Variants in ABLIM1 observed in about 807,000 individuals in gnomAD.
The protein encoded by ABLIM1 is actin binding LIM protein 1, also known as actin-binding LIM protein 1.
ABLIM1 carries 40 observed loss-of-function variants against 107.0 expected under a neutral mutation model. That is an observed-to-expected ratio of 0.37 (90% CI 0.29 to 0.49). The LOEUF (loss-of-function observed/expected upper bound fraction) is 0.49, where lower values mean the gene tolerates loss of function less well. Ranked by LOEUF, ABLIM1 falls within the 20% of genes least tolerant of loss-of-function variation. ABLIM1 has a pLI of 0.97. For missense variants in ABLIM1, 857 were observed against 1,008.5 expected (o/e 0.85, Z 2.04); for synonymous variants, 357 against 357.3 (o/e 1.00, Z 0.01).
chr10:114,468,273 G>GT, intron 10 of ABLIM1, 57 bp from the exon 11 acceptor site: 1 of 1,438,878 alleles, frequency 6.9e-7, no homozygotes, highest in African/African-American at 1.4e-5. Context: ...TTGCCGTTTT[G>GT]TTTGTTTGTT....
intron 2 of ABLIM1, among the ~76,000 whole-genome samples, chr10:114,595,730 C>A (rs1305242683): frequency 6.6e-6 from 1 of 152,128 alleles, no homozygotes; most frequent in South Asian, 2.1e-4. Flanking sequence ...ATCTAATTAC[C>A]ACCCGGGTAC....
chr10:114,484,967 G>A (rs1402584849), intron 8 of ABLIM1, among the ~76,000 whole-genome samples: 1 of 152,230 alleles, frequency 6.6e-6, no homozygotes, highest in Non-Finnish European at 1.5e-5. Flanking sequence ...TTGCCTATGA[G>A]GCTGGATCTG....
chr10:114,679,505 T>G (rs11196866), intron 1 of ABLIM1, among the ~76,000 whole-genome samples: 7,769 of 151,730 alleles, frequency 0.051, 252 homozygotes, highest in Middle Eastern at 0.088. Flanking sequence ...CGTGGTGGCG[T>G]GTGCCTGTGG....
At chr10:114,622,006 T>A (rs1006573248) in intron 1 of ABLIM1, among the ~76,000 whole-genome samples, 58 of 152,292 alleles carry the variant, frequency 3.8e-4, no homozygotes, top group African/African-American at 1.3e-3. Context: ...CCAATCCCCA[T>A]CAGTCCTAAA....
intron 16 of ABLIM1, among the ~76,000 whole-genome samples, chr10:114,444,794 C>T (rs186085901): frequency 6.6e-6 from 1 of 152,274 alleles, no homozygotes; most frequent in East Asian, 1.9e-4. Context: ...TGGGCTGCTG[C>T]AGGCCCTTGC....
At chr10:114,666,204 T>C (rs1279868366) in intron 1 of ABLIM1, among the ~76,000 whole-genome samples, 1 of 152,210 alleles carries the variant, frequency 6.6e-6, no homozygotes, top group Non-Finnish European at 1.5e-5. Flanking sequence ...ATGCAATACC[T>C]ACAACATAAT....
intron 3 of ABLIM1, 124 bp from the exon 4 acceptor site, chr10:114,571,530 G>A: frequency 1.1e-6 from 1 of 921,064 alleles, no homozygotes; most frequent in Non-Finnish European, 1.7e-6. Flanking sequence ...CAACATGTCT[G>A]AAATGCAGTC....
intron 3 of ABLIM1, among the ~76,000 whole-genome samples, chr10:114,571,856 T>C (rs555655413): frequency 2.1e-4 from 32 of 152,326 alleles, no homozygotes; most frequent in African/African-American, 7.7e-4. Context: ...GGACCGTGCC[T>C]AGACCTCTGT....
chr10:114,599,554 T>C (rs1160012470), intron 2 of ABLIM1, among the ~76,000 whole-genome samples: 1 of 152,020 alleles, frequency 6.6e-6, no homozygotes, highest in Non-Finnish European at 1.5e-5. Context: ...GGAGAATCCC[T>C]TGAGATTAGG....
chr10:114,673,897 TGAGAA>T (rs770152735), intron 1 of ABLIM1, among the ~76,000 whole-genome samples: 18 of 151,990 alleles, frequency 1.2e-4, no homozygotes, highest in Non-Finnish European at 2.4e-4. Context: ...AAAAGACTAT[TGAGAA>T]GAGAGACATT....
chr10:114,491,688 C>G, intron 7 of ABLIM1, 103 bp downstream of exon 7: 3 of 1,133,572 alleles, frequency 2.6e-6, no homozygotes, highest in Admixed American at 1.9e-5. Context: ...GGTAGCCTCA[C>G]AGCTAATAAC....
chr10:114,791,932 T>C, the ABLIM1 span, among the ~76,000 whole-genome samples: 9 of 152,384 alleles, frequency 5.9e-5, no homozygotes, highest in East Asian at 1.7e-3. Context: ...TGCCTGGCAC[T>C]GTCTCAATAA....
intron 12 of ABLIM1, among the ~76,000 whole-genome samples, chr10:114,455,497 G>A (rs1004710273): frequency 6.6e-6 from 1 of 152,194 alleles, no homozygotes; most frequent in African/African-American, 2.4e-5. Context: ...AAAAAACACA[G>A]AGGAAAACAG....
chr10:114,441,191 A>G, intron 18 of ABLIM1, 114 bp from the exon 19 acceptor site: 1 of 1,150,924 alleles, frequency 8.7e-7, no homozygotes, highest in Non-Finnish European at 1.2e-6. Flanking sequence ...GCTAAATGTC[A>G]GACCTTCATT....
chr10:114,787,594 C>T, the ABLIM1 span, among the ~76,000 whole-genome samples: 15 of 145,338 alleles, frequency 1.0e-4, no homozygotes, highest in African/African-American at 3.2e-4. Context: ...GGTCAGCCCC[C>T]CGCCCGGCCA....
At chr10:114,723,161 C>G (rs1298261941) in intron 1 of ABLIM1, among the ~76,000 whole-genome samples, 1 of 152,164 alleles carries the variant, frequency 6.6e-6, no homozygotes, top group Non-Finnish European at 1.5e-5. Flanking sequence ...TTCTAAGTGC[C>G]TGACCAGATT....
chr10:114,566,532 T>A (rs369156390), intron 4 of ABLIM1, among the ~76,000 whole-genome samples: 2 of 152,238 alleles, frequency 1.3e-5, no homozygotes, highest in Non-Finnish European at 2.9e-5. Context: ...TTGTAAAGCA[T>A]GTCTTCTGGG....
intron 1 of ABLIM1, among the ~76,000 whole-genome samples, chr10:114,710,687 G>A (rs1226598720): frequency 6.6e-6 from 1 of 152,160 alleles, no homozygotes; most frequent in Non-Finnish European, 1.5e-5. Context: ...GAGCTGGGGT[G>A]GGAGGATTGC....
At chr10:114,732,023 A>G (rs1317618353) in intron 1 of ABLIM1, among the ~76,000 whole-genome samples, 1 of 152,132 alleles carries the variant, frequency 6.6e-6, no homozygotes, top group African/African-American at 2.4e-5. Flanking sequence ...AAAGTGGCAC[A>G]CTATTTTACA....
Sources: allele counts gnomAD v4.1 joint callset (sites outside exome capture counted in the v4.1 genomes callset), GRCh38; gene constraint gnomAD v4.1.1; transcripts MANE v1.5; gene names NCBI Gene and HGNC (gene_info 2026-07-23, HGNC 2026-07-21).